CBFA2T3: variants seen among roughly 807,000 people sequenced by gnomAD.
The protein encoded by CBFA2T3 is CBFA2/RUNX1 partner transcriptional co-repressor 3, also known as transcriptional corepressor CBFA2T3.
Under a neutral mutation model 58.6 loss-of-function variants are expected in CBFA2T3, and 31 were observed. The observed-to-expected ratio is 0.53, with a 90% CI of 0.40 to 0.71. The LOEUF (loss-of-function observed/expected upper bound fraction) is 0.71. Among genes scored for constraint, CBFA2T3 ranks in the 30% least tolerant of loss-of-function variants. CBFA2T3 has a pLI of 0.00. For missense variants in CBFA2T3, 1,076 were observed against 963.1 expected (o/e 1.12, Z -1.55); for synonymous variants, 531 against 421.9 (o/e 1.26, Z -3.17).
At chr16:88,969,563 G>C (rs984668759) in intron 1 of CBFA2T3, among the ~76,000 whole-genome samples, 1 of 152,226 alleles carries the variant, frequency 6.6e-6, no homozygotes, top group Non-Finnish European at 1.5e-5. Context: ...AGCGTGGCCG[G>C]TGGACAGCAG....
At chr16:88,900,158 C>T (rs1021593998) in intron 2 of CBFA2T3, among the ~76,000 whole-genome samples, 2 of 152,244 alleles carry the variant, frequency 1.3e-5, no homozygotes, top group Non-Finnish European at 2.9e-5. Flanking sequence ...GAGGCAGGGC[C>T]GGCCCCGCGG....
chr16:88,930,358 CTACCCA>C (rs1971251909), intron 1 of CBFA2T3, among the ~76,000 whole-genome samples: 1 of 150,104 alleles, frequency 6.7e-6, no homozygotes, highest in African/African-American at 2.5e-5. Context: ...CACGCAAAAG[CTACCCA>C]TGCCCACAGC....
intron 5 of CBFA2T3, among the ~76,000 whole-genome samples, chr16:88,889,420 C>T (rs544116620): frequency 5.2e-5 from 6 of 115,200 alleles, no homozygotes; most frequent in Middle Eastern, 4.1e-3. Flanking sequence ...AGGGAGGGAG[C>T]GAGGGTGGGA....
At chr16:88,901,213 A>C (rs1389622098) in intron 2 of CBFA2T3, among the ~76,000 whole-genome samples, 1 of 152,228 alleles carries the variant, frequency 6.6e-6, no homozygotes, top group African/African-American at 2.4e-5. Flanking sequence ...CCCTGGTGAA[A>C]GGCCTGTGTG....
chr16:88,897,280 T>C (rs1254966118), intron 3 of CBFA2T3, among the ~76,000 whole-genome samples: 2 of 152,244 alleles, frequency 1.3e-5, no homozygotes, highest in Non-Finnish European at 2.9e-5. Context: ...AGGACAGCCC[T>C]GTGCAACAGA....
chr16:88,920,666 G>C (rs946603217), intron 1 of CBFA2T3, among the ~76,000 whole-genome samples: 24 of 152,272 alleles, frequency 1.6e-4, no homozygotes, highest in Admixed American at 5.2e-4. Flanking sequence ...GCCCCACCAC[G>C]CAATGCCAAA....
intron 5 of CBFA2T3, among the ~76,000 whole-genome samples, chr16:88,888,739 G>C (rs1362730283): frequency 6.6e-6 from 1 of 151,586 alleles, no homozygotes; most frequent in African/African-American, 2.4e-5. Flanking sequence ...AATCCTCCTG[G>C]CCTCCCCCTA....
chr16:88,877,104 C>G lies in CBFA2T3; in HGVS notation c.1834G>C (p.Glu612Gln). The G allele has an allele frequency of 6.5e-7, 1 of 1,544,992 alleles. No individual in the cohort carries two copies. The highest frequency in any genetic ancestry group is 2.1e-4 in the Middle Eastern group (1 of 4,756). ...GAGGGGCCCAGGCTGTGGGCGGCTT[C>G]GGGCGGTCCAGGCACCGGGTCGGCC... The part of the protein sequence containing the change: ...VVADPVPGPP[E>Q]AAHSLGPSLP... Residue 612 changes from glutamate to glutamine, a missense_variant, in exon 12 of 12, where the codon GAA becomes CAA. By Grantham distance (29) the Glu-to-Gln change is conservative. Coordinates refer to ENST00000268679, the MANE Select transcript of CBFA2T3 (RefSeq NM_005187.6).
intron 1 of CBFA2T3, among the ~76,000 whole-genome samples, chr16:88,919,048 G>A (rs112747222): frequency 0.018 from 2,676 of 152,148 alleles, 86 homozygotes; most frequent in African/African-American, 0.062. Context: ...TTTAGCCTAA[G>A]TATCTGCCCT....
At chr16:88,880,569 C>T (rs1969027107) in intron 10 of CBFA2T3, 151 bp downstream of exon 10, 2 of 683,500 alleles carry the variant, frequency 2.9e-6, no homozygotes, top group Non-Finnish European at 5.0e-6. Context: ...ACTCTGACCT[C>T]TCCGTGAGCC....
intron 1 of CBFA2T3, among the ~76,000 whole-genome samples, chr16:88,972,493 C>T (rs1972680200): frequency 6.6e-6 from 1 of 152,168 alleles, no homozygotes; most frequent in South Asian, 2.1e-4. Flanking sequence ...GTAAATCCTC[C>T]CTCATGGAGC....
rs764596018 is a variant in CBFA2T3, at chr16:88,885,286, G to A, written c.894-17C>T. The A allele has an allele frequency of 6.6e-6, 10 of 1,510,150 alleles. No individual in the cohort carries two copies. The highest frequency in any genetic ancestry group is 8.9e-6 in the Non-Finnish European group (10 of 1,122,738). 93.5% of individuals were successfully genotyped at this position (1,510,150 alleles called of 1,614,324 possible). A position where few individuals can be genotyped will look rare whatever the true frequency, so the allele number is the denominator to read the frequency against. ...TCTTTGGTCCTAGCCCCAAGAGCAG[G>A]TGGGGCGAGGGCAGTGGACATAGGA... On this transcript the variant is annotated splice_polypyrimidine_tract_variant and intron_variant, in intron 6 of 11. Coordinates refer to ENST00000268679, the MANE Select transcript of CBFA2T3 (RefSeq NM_005187.6). This position sits in a 1 kb window ranked among gnomAD's most constrained non-coding sequence, Gnocchi z 5.3.
intron 1 of CBFA2T3, among the ~76,000 whole-genome samples, chr16:88,954,359 TC>T (rs1972154550): frequency 1.6e-5 from 1 of 61,244 alleles, no homozygotes. Context: ...GCTCCTGACC[TC>T]ACCCAAGGCT....
intron 1 of CBFA2T3, among the ~76,000 whole-genome samples, chr16:88,971,361 CG>C (rs1431606293): frequency 6.6e-6 from 1 of 152,146 alleles, no homozygotes; most frequent in African/African-American, 2.4e-5. Context: ...CCGCCTGCCT[CG>C]GCCTCCCAAA....
chr16:88,902,784 A>G (rs1429033223), intron 1 of CBFA2T3, among the ~76,000 whole-genome samples: 1 of 152,226 alleles, frequency 6.6e-6, no homozygotes, highest in African/African-American at 2.4e-5. Context: ...GGCTTAGAGC[A>G]GCAAGGTAGG....
intron 5 of CBFA2T3, chr16:88,886,440 A>G (rs1194018821): frequency 3.2e-6 from 1 of 311,938 alleles, no homozygotes; most frequent in East Asian, 5.2e-5. Flanking sequence ...TTCCCACCGC[A>G]CCCAGCTCCC....
intron 5 of CBFA2T3, among the ~76,000 whole-genome samples, chr16:88,890,755 C>T (rs748805185): frequency 3.9e-5 from 6 of 152,180 alleles, no homozygotes; most frequent in South Asian, 2.1e-4. Flanking sequence ...GTTGCTCTGT[C>T]GCCCAGGCTG....
At chr16:88,899,358 G>C (rs567309953) in intron 2 of CBFA2T3, among the ~76,000 whole-genome samples, 4 of 152,192 alleles carry the variant, frequency 2.6e-5, no homozygotes, top group Non-Finnish European at 5.9e-5. Flanking sequence ...GCTACCTCAG[G>C]GGTGGCCAGA....
At chr16:88,879,630 C>T (rs908194957) in intron 10 of CBFA2T3, 170 bp from the exon 11 acceptor site, 12 of 616,342 alleles carry the variant, frequency 1.9e-5, no homozygotes, top group East Asian at 1.7e-4. Flanking sequence ...GCTGAACACA[C>T]GTAGCATCTG....
Sources: allele counts gnomAD v4.1 joint callset (sites outside exome capture counted in the v4.1 genomes callset), GRCh38; gene constraint gnomAD v4.1.1; non-coding constraint Gnocchi (gnomAD v3.1); transcripts MANE v1.5; gene names NCBI Gene and HGNC (gene_info 2026-07-23, HGNC 2026-07-21).